STX8: variants seen among roughly 807,000 people sequenced by gnomAD.
STX8 encodes syntaxin-8.
A neutral mutation model predicts 37.5 loss-of-function variants in STX8; 23 were observed. The observed-to-expected ratio is 0.61, with a 90% CI of 0.44 to 0.87. STX8 has a LOEUF of 0.87. Ranked by LOEUF, STX8 falls within the 40% of genes least tolerant of loss-of-function variation. STX8 has a pLI of 0.00. For missense variants in STX8, 313 were observed against 284.7 expected, an observed-to-expected ratio of 1.10 and a Z score of -0.71; for synonymous variants, 115 against 99.1, an observed-to-expected ratio of 1.16 and a Z score of -0.95.
chr17:9,332,356 G>A (rs1042258061), intron 7 of STX8, among the ~76,000 whole-genome samples: 29 of 152,162 alleles, frequency 1.9e-4, no homozygotes, highest in East Asian at 1.3e-3. Context: ...CAATGCGGAC[G>A]GAGTTAACAA....
At chr17:9,454,541 C>G (rs964176632) in intron 6 of STX8, among the ~76,000 whole-genome samples, 58 of 152,070 alleles carry the variant, frequency 3.8e-4, no homozygotes, top group African/African-American at 1.4e-3. Flanking sequence ...TTAGCCAGGC[C>G]TGGTGGCAGG....
chr17:9,262,375 G>T lies in STX8; in HGVS notation c.644-11730C>A, dbSNP rs1198900805. Among the ~76,000 whole-genome samples the T allele has an allele frequency of 3.3e-5, 5 of 152,130 alleles. No individual in the cohort carries two copies. The East Asian group carries it at 9.6e-4, about 29-fold the overall frequency. On this transcript the variant is annotated intron_variant, in intron 7 of 7. Transcript: ENST00000306357. ...GGATTTTGAACTGAGCACAATTGGGGTTCAGTCACAGTAATGGTAACACTC... is the reference window on the plus strand; with the variant it reads ...GGATTTTGAACTGAGCACAATTGGGTTTCAGTCACAGTAATGGTAACACTC...
chr17:9,406,113 A>C (rs1912793003), intron 6 of STX8, among the ~76,000 whole-genome samples: 1 of 152,046 alleles, frequency 6.6e-6, no homozygotes, highest in Non-Finnish European at 1.5e-5. Context: ...AATTATCCTT[A>C]TGATGGATTT....
At chr17:9,346,793 A>G (rs59987625) in intron 7 of STX8, among the ~76,000 whole-genome samples, 6,718 of 152,300 alleles carry the variant, frequency 0.044, 470 homozygotes, top group African/African-American at 0.15. Context: ...TTATGGCTGT[A>G]CCAGTTTTAT....
intron 7 of STX8, among the ~76,000 whole-genome samples, chr17:9,259,319 C>T (rs1052504791): frequency 5.9e-5 from 9 of 152,172 alleles, no homozygotes; most frequent in South Asian, 2.1e-4. Flanking sequence ...TATTACTCCT[C>T]GTAATAATTA....
chr17:9,318,144 C>T (rs562859806), intron 7 of STX8, among the ~76,000 whole-genome samples: 1 of 152,302 alleles, frequency 6.6e-6, no homozygotes, highest in Admixed American at 6.5e-5. Context: ...TTAAATACTT[C>T]AAGTTCTAGG....
At position 9,573,076 on chromosome 17, in the gene STX8, C is replaced by A. The variant is rs1489458749; in HGVS notation, c.17+2716G>T. 5.7e-4 allele frequency among the ~76,000 whole-genome samples: 33 copies of A among 57,800 alleles called. 1 individual carries two copies. The highest frequency in any genetic ancestry group is 5.5e-3 in the Admixed American group (33 of 5,992). The allele number at this position is 57,800 out of a possible 152,430, so 37.9% of individuals were successfully genotyped here. ...CAAAATAAAATTCTAAGCCCACCCC[C>A]AACACCCCCCCCCACCCCCGCAACC... On this transcript the variant is annotated intron_variant, in intron 1 of 7. Transcript: ENST00000306357.
intron 7 of STX8, among the ~76,000 whole-genome samples, chr17:9,251,095 G>A (rs1232351497): frequency 2.0e-5 from 3 of 152,234 alleles, no homozygotes; most frequent in African/African-American, 7.2e-5. Flanking sequence ...TTGAGTCCAA[G>A]ATCCTTAAGT....
chr17:9,419,324 A>C (rs953759417), intron 6 of STX8, among the ~76,000 whole-genome samples: 1 of 151,980 alleles, frequency 6.6e-6, no homozygotes, highest in Non-Finnish European at 1.5e-5. Flanking sequence ...TGATCCTCCC[A>C]CCTCAGCCTC....
chr17:9,289,254 T>C (rs1167409857), intron 7 of STX8, among the ~76,000 whole-genome samples: 1 of 152,202 alleles, frequency 6.6e-6, no homozygotes, highest in Non-Finnish European at 1.5e-5. Context: ...ATTTCCCAAG[T>C]ACTCTTTCTT....
chr17:9,552,645 T>G (rs1597739208), intron 3 of STX8, among the ~76,000 whole-genome samples: 1 of 151,578 alleles, frequency 6.6e-6, no homozygotes, highest in African/African-American at 2.4e-5. Flanking sequence ...AATTTATTTA[T>G]AGATTTTTCT....
At chr17:9,314,565 A>T (rs1310370430) in intron 7 of STX8, among the ~76,000 whole-genome samples, 2 of 148,288 alleles carry the variant, frequency 1.3e-5, no homozygotes, top group Non-Finnish European at 3.0e-5. Context: ...ATGCCCGGCT[A>T]ATTTTTTGTA....
chr17:9,523,342 CATAA>C (rs1697091791), intron 4 of STX8, among the ~76,000 whole-genome samples: 1 of 150,560 alleles, frequency 6.6e-6, no homozygotes, highest in African/African-American at 2.4e-5. Flanking sequence ...CACTGTACCC[CATAA>C]ATATGTACAC....
At chr17:9,254,426 G>T (rs1273510410) in intron 7 of STX8, among the ~76,000 whole-genome samples, 3 of 151,386 alleles carry the variant, frequency 2.0e-5, no homozygotes, top group African/African-American at 4.9e-5. Flanking sequence ...TTTTGAGATG[G>T]AGTCTCGCGC....
rs975152138 is a variant in STX8 at position 9,491,889 on chromosome 17, T to G, written c.481A>C (p.Ile161Leu). The change falls in exon 6 of 8, where the codon ATC becomes CTC. Residue 161 changes from isoleucine (I) to leucine (L), a missense_variant. Transcript: ENST00000306357. ...QDAGLDALSSIISRQKQMGQE... is the reference protein window; with the variant it reads ...QDAGLDALSSLISRQKQMGQE... ...CCCATTTGTTTTTGGCGACTTATGA[T>G]AGAGGAAAGGGCATCAAGGCCTGCG... 6.2e-7 allele frequency: 1 copy of G among 1,613,632 alleles called. No individual in the cohort carries two copies. The highest frequency in any genetic ancestry group is 1.3e-5 in the African/African-American group (1 of 74,876).
At chr17:9,329,248 T>C (rs1475939339) in intron 7 of STX8, among the ~76,000 whole-genome samples, 2 of 152,076 alleles carry the variant, frequency 1.3e-5, no homozygotes, top group Admixed American at 6.6e-5. Context: ...AACATCTGCA[T>C]TGAGGATGCT....
In STX8 at chr17:9,545,276, CTGTG is replaced by C. The variant is rs1567604947; in HGVS notation, c.215_218del (p.Thr72SerfsTer15). On this transcript the variant is annotated frameshift_variant and splice_region_variant, in exon 4 of 8. Transcript: ENST00000306357. LOFTEE classifies it high-confidence loss of function. ...GGTTCTGTCTTCGGTCCCCTTCAAG[CTGTG>C]TTCTGCAGATATCTTGTTAAGGTTC... 6.2e-7 allele frequency: 1 copy of C among 1,611,932 alleles called. No homozygotes were observed. The highest frequency in any genetic ancestry group is 1.3e-5 in the African/African-American group (1 of 74,952).
rs1335818947 is a variant in STX8, at chr17:9,383,044, T to C, written c.542-4391A>G. Among the ~76,000 whole-genome samples, 3 of 152,300 alleles carry C rather than the reference T, an allele frequency of 2.0e-5. No individual in the cohort carries two copies. In the East Asian group the frequency reaches 5.8e-4, roughly 29 times the overall value. On this transcript the variant is annotated intron_variant, in intron 6 of 7. Coordinates refer to ENST00000306357, the MANE Select transcript of STX8 (RefSeq NM_004853.3). ...ATTTATGACCTTATAAAAGAGTTCCTAGAGAGCATCCTCATTTCTTCCACC... is the reference window on the plus strand; with the variant it reads ...ATTTATGACCTTATAAAAGAGTTCCCAGAGAGCATCCTCATTTCTTCCACC...
intron 6 of STX8, among the ~76,000 whole-genome samples, chr17:9,446,125 T>C (rs1904844574): frequency 6.6e-6 from 1 of 152,168 alleles, no homozygotes; most frequent in Non-Finnish European, 1.5e-5. Flanking sequence ...CGTGAGCCAC[T>C]GTGCGTGGCC....
Sources: gnomAD v4.1 joint callset for allele counts (sites outside exome capture counted in the v4.1 genomes callset) on GRCh38, gnomAD v4.1.1 for gene constraint, MANE v1.5 for transcripts, NCBI Gene and HGNC (gene_info 2026-07-23, HGNC 2026-07-21) for gene names.